MTMR7: variants seen among roughly 807,000 people sequenced by gnomAD.
MTMR7 encodes the protein phosphatidylinositol-3-phosphate phosphatase MTMR7.
MTMR7 carries 76 observed loss-of-function variants against 81.2 expected under a neutral mutation model. That is an observed-to-expected ratio of 0.94 (90% CI 0.78 to 1.13). The LOEUF (loss-of-function observed/expected upper bound fraction) is 1.13, where lower values mean the gene tolerates loss of function less well. Among genes scored for constraint, MTMR7 ranks in the 50% most tolerant of loss-of-function variants. The pLI, the probability that MTMR7 is intolerant of heterozygous loss-of-function variation, is 0.00. For missense variants in MTMR7, 1,044 were observed against 820.0 expected (o/e 1.27, Z -3.34); for synonymous variants, 372 against 289.8 (o/e 1.28, Z -2.88).
At chr8:17,373,062 C>A in intron 2 of MTMR7, 56 bp downstream of exon 2, 1 of 1,597,190 alleles carries the variant, frequency 6.3e-7, no homozygotes, top group Non-Finnish European at 8.5e-7. Context: ...GGAGGGCAAA[C>A]ACTTTTTGCT....
intron 13 of MTMR7, 102 bp from the exon 14 acceptor site, chr8:17,300,326 G>A: frequency 7.9e-7 from 1 of 1,260,130 alleles, no homozygotes. Flanking sequence ...TGGGTATAAT[G>A]TTAAGAACAT....
At chr8:17,318,364 G>A (rs1216286523) in intron 7 of MTMR7, among the ~76,000 whole-genome samples, 1 of 152,094 alleles carries the variant, frequency 6.6e-6, no homozygotes, top group Non-Finnish European at 1.5e-5. Flanking sequence ...CAAGTTTACA[G>A]CACACCAGTG....
chr8:17,360,533 C>T (rs1238021234), intron 4 of MTMR7, among the ~76,000 whole-genome samples: 1 of 150,700 alleles, frequency 6.6e-6, no homozygotes, highest in Admixed American at 6.6e-5. Flanking sequence ...ACTTTTGTTA[C>T]TCAAATATTT....
intron 6 of MTMR7, among the ~76,000 whole-genome samples, chr8:17,337,303 T>C (rs2150538058): frequency 6.8e-6 from 1 of 148,022 alleles, no homozygotes; most frequent in African/African-American, 2.5e-5. Context: ...AGATGGAGGT[T>C]GCAGTGATCC....
rs985325054 is a variant in MTMR7, at chr8:17,299,660, TATATTTGA to T, written c.*194_*201del. On this transcript the variant is annotated 3_prime_UTR_variant, in exon 14 of 14. Coordinates refer to ENST00000180173, the MANE Select transcript of MTMR7 (RefSeq NM_004686.5). ...CTTCAAAATGGTGAATAATTTTCCT[TATATTTGA>T]TAAATGAAATGACTACGTCCTCTTC... 60 of 652,838 alleles carry T rather than the reference TATATTTGA, an allele frequency of 9.2e-5. No homozygotes were observed. The African/African-American group carries it at 9.8e-4, about 11-fold the overall frequency. 40.4% of individuals were successfully genotyped at this position (652,838 alleles called of 1,614,324 possible).
chr8:17,402,141 G>C (rs1821446268), intron 1 of MTMR7, among the ~76,000 whole-genome samples: 1 of 151,882 alleles, frequency 6.6e-6, no homozygotes, highest in Non-Finnish European at 1.5e-5. Context: ...TATATTTATG[G>C]AGTATGTGAG....
At chr8:17,359,674 A>T (rs192897674) in intron 4 of MTMR7, among the ~76,000 whole-genome samples, 2 of 152,142 alleles carry the variant, frequency 1.3e-5, no homozygotes, top group Non-Finnish European at 2.9e-5. Flanking sequence ...ATGGTCATTT[A>T]TCAGGAGATA....
At position 17,311,541 on chromosome 8, in the gene MTMR7, G is replaced by A. The variant is rs1210248139; in HGVS notation, c.1071C>T (p.Asp357=). ...QVCSVASLLL[D]PHYRTLKGFM... is the part of the protein sequence containing the mutation. ...AGCCCTTCAGAGTCCGGTAGTGAGG[G>A]TCCAGCAGCAGGCTTGCCACCGAGC... The change falls in exon 9 of 14, where the codon GAC becomes GAT. Residue 357 remains aspartate (D), a synonymous_variant. Transcript: ENST00000180173. The A allele has an allele frequency of 6.2e-7, 1 of 1,614,056 alleles. No individual in the cohort carries two copies.
At chr8:17,357,894 A>G (rs1199214275) in intron 4 of MTMR7, among the ~76,000 whole-genome samples, 1 of 149,836 alleles carries the variant, frequency 6.7e-6, no homozygotes, top group African/African-American at 2.5e-5. Flanking sequence ...TAAGAAATAA[A>G]TAACTTTTTT....
Position 17,304,437 on chromosome 8 carries a change from G to C in MTMR7, c.1435C>G (p.His479Asp). 1 of 1,614,100 alleles carries C rather than the reference G, an allele frequency of 6.2e-7. No individual in the cohort carries two copies. Among genetic ancestry groups the C allele is most frequent in the Non-Finnish European group, 8.5e-7 (1 of 1,179,972 alleles). The change falls in exon 12 of 14, where the codon CAC becomes GAC. Residue 479 changes from histidine (H) to aspartate (D), a missense_variant. Physicochemically the swap from His to Asp is moderately conservative, Grantham distance 81. Transcript: ENST00000180173. Reference sequence around the variant, plus strand: ...TGAAGGGTTCCCTGAGTCTGGCTGTGATCAGCTCTAAACAGAGGATTCAGG... The same window carrying C: ...TGAAGGGTTCCCTGAGTCTGGCTGTCATCAGCTCTAAACAGAGGATTCAGG... ...DYLNPLFRAD[H>D]SQTQGTLHLP...
chr8:17,303,837 T>G (rs1309704782), intron 12 of MTMR7, among the ~76,000 whole-genome samples: 1 of 152,184 alleles, frequency 6.6e-6, no homozygotes, highest in Non-Finnish European at 1.5e-5. Context: ...CTTGAACTCC[T>G]GACCTAGGGT....
At chr8:17,335,042 T>C (rs550395015) in intron 6 of MTMR7, among the ~76,000 whole-genome samples, 1 of 152,268 alleles carries the variant, frequency 6.6e-6, no homozygotes, top group East Asian at 1.9e-4. Context: ...GCCAAGGAAC[T>C]GAGGCTCCAC....
intron 1 of MTMR7, among the ~76,000 whole-genome samples, chr8:17,377,856 C>T (rs1412546395): frequency 2.0e-5 from 3 of 152,040 alleles, no homozygotes; most frequent in Admixed American, 6.6e-5. Flanking sequence ...TGTCATTAAA[C>T]ATTCTATTTT....
intron 5 of MTMR7, among the ~76,000 whole-genome samples, chr8:17,347,976 G>A (rs1244075544): frequency 6.6e-6 from 1 of 152,164 alleles, no homozygotes; most frequent in Non-Finnish European, 1.5e-5. Context: ...CCAAATCCAG[G>A]TGGTGGTAGA....
intron 1 of MTMR7, among the ~76,000 whole-genome samples, chr8:17,380,298 G>A (rs28600765): frequency 0.059 from 8,968 of 152,032 alleles, 363 homozygotes; most frequent in African/African-American, 0.11. Flanking sequence ...TTTGATATTC[G>A]ACATCCATGC....
At chr8:17,405,157 GTTAT>G (rs1317833190) in intron 1 of MTMR7, among the ~76,000 whole-genome samples, 1 of 152,184 alleles carries the variant, frequency 6.6e-6, no homozygotes, top group Admixed American at 6.5e-5. Flanking sequence ...CAGCCTATCA[GTTAT>G]TTATTATAGT....
At chr8:17,378,225 A>AG (rs759621760) in intron 1 of MTMR7, among the ~76,000 whole-genome samples, 28 of 152,150 alleles carry the variant, frequency 1.8e-4, no homozygotes, top group Non-Finnish European at 2.8e-4. Context: ...AGATACAGAG[A>AG]GGGAAAAAAG....
chr8:17,405,856 ACACACACACACACACACACACACC>A (rs1303052920), intron 1 of MTMR7, among the ~76,000 whole-genome samples: 1 of 81,838 alleles, frequency 1.2e-5, no homozygotes, highest in Non-Finnish European at 2.5e-5. Context: ...ACACACACAC[ACACACACACACACACACACACACC>A]ACAGAGAAAA....
chr8:17,318,101 G>C (rs1818194206), intron 7 of MTMR7, among the ~76,000 whole-genome samples: 2 of 152,126 alleles, frequency 1.3e-5, no homozygotes, highest in East Asian at 3.9e-4. Flanking sequence ...GGATGATGAT[G>C]GGAAGCCAGT....
Sources: allele counts gnomAD v4.1 joint callset (sites outside exome capture counted in the v4.1 genomes callset), GRCh38; gene constraint gnomAD v4.1.1; transcripts MANE v1.5; gene names NCBI Gene and HGNC (gene_info 2026-07-23, HGNC 2026-07-21).